The following TNFAIP8L3 variants were observed in gnomAD, a reference collection of about 807,000 sequenced individuals.
TNFAIP8L3 encodes the protein TNF alpha induced protein 8 like 3.
A neutral mutation model predicts 11.8 loss-of-function variants in TNFAIP8L3; 7 were observed. The ratio of observed to expected loss-of-function variants is 0.59; its 90% CI spans 0.34 to 1.11. TNFAIP8L3 has a LOEUF of 1.11. Among genes scored for constraint, TNFAIP8L3 ranks in the 50% most tolerant of loss-of-function variants. The pLI, the probability that TNFAIP8L3 is intolerant of heterozygous loss-of-function variation, is 0.03. For synonymous variants in TNFAIP8L3, 98 were observed against 103.8 expected, an observed-to-expected ratio of 0.94 and a Z score of 0.34; for missense variants, 219 against 258.6, an observed-to-expected ratio of 0.85 and a Z score of 1.05.
In TNFAIP8L3 at chr15:51,058,337, G is replaced by A; in HGVS notation, c.159C>T (p.Ser53=). Residue 53 remains serine (S), a synonymous_variant, in exon 2 of 2, where the codon AGC becomes AGT. Transcript: ENST00000637513. ...TGTAGAGCTCATCAAAGATCTCGCT[G>A]CTGGTGTCATCAATCAACATGTTGG... ...TVANMLIDDT[S]SEIFDELYKV... The A allele has an allele frequency of 6.2e-7, 1 of 1,614,138 alleles. No homozygotes were observed. Among genetic ancestry groups the A allele is most frequent in the East Asian group, 2.2e-5 (1 of 44,888 alleles).
chr15:51,077,831 T>G (rs1026621124), intron 1 of TNFAIP8L3, among the ~76,000 whole-genome samples: 1 of 152,226 alleles, frequency 6.6e-6, no homozygotes, highest in Non-Finnish European at 1.5e-5. Flanking sequence ...TCGAGTGTGC[T>G]GGCCTGGAAT....
intron 1 of TNFAIP8L3, among the ~76,000 whole-genome samples, chr15:51,086,590 C>T (rs922477141): frequency 1.3e-5 from 2 of 152,204 alleles, no homozygotes; most frequent in Non-Finnish European, 2.9e-5. Context: ...TGGAGTTAGA[C>T]TGGCTTCATT....
chr15:51,064,000 C>T (rs1269513651), intron 1 of TNFAIP8L3, among the ~76,000 whole-genome samples: 1 of 152,146 alleles, frequency 6.6e-6, no homozygotes, highest in African/African-American at 2.4e-5. Flanking sequence ...TATTTACCTG[C>T]AAGTAATTTG....
At chr15:51,085,621 CTTT>C (rs201800961) in intron 1 of TNFAIP8L3, among the ~76,000 whole-genome samples, 5 of 140,322 alleles carry the variant, frequency 3.6e-5, no homozygotes, top group Non-Finnish European at 3.1e-5. Flanking sequence ...AGCTCCGATT[CTTT>C]TTTTTTTTTT....
chr15:51,064,013 G>A (rs760198911), intron 1 of TNFAIP8L3, among the ~76,000 whole-genome samples: 1 of 152,140 alleles, frequency 6.6e-6, no homozygotes, highest in Non-Finnish European at 1.5e-5. Context: ...GTAATTTGGG[G>A]TACAAACTTC....
rs1240496123 is a variant in TNFAIP8L3 at position 51,058,426 on chromosome 15, A to C, written c.70T>G (p.Ser24Ala). Residue 24 changes from serine to alanine, a missense_variant, in exon 2 of 2, where the codon TCA becomes GCA. Coordinates refer to ENST00000637513, the MANE Select transcript of TNFAIP8L3 (RefSeq NM_001311175.2). ...TGGGCTTGAAGCGCAAGACTCTTTG[A>C]ACTAAAAACATCAGGACCTATGGTA... is the stretch of plus-strand genomic sequence containing the variant. Reference protein sequence around the residue: ...VTAAGPDVFSSKSLALQAQKK... With the variant: ...VTAAGPDVFSAKSLALQAQKK... 13 of 1,583,300 alleles carry C rather than the reference A, an allele frequency of 8.2e-6. No individual in the cohort carries two copies. Among genetic ancestry groups the C allele is most frequent in the Non-Finnish European group, 1.1e-5 (13 of 1,170,890 alleles).
chr15:51,075,807 G>A (rs2065345368), intron 1 of TNFAIP8L3, among the ~76,000 whole-genome samples: 2 of 152,232 alleles, frequency 1.3e-5, no homozygotes, highest in Non-Finnish European at 2.9e-5. Flanking sequence ...AACATGGCCT[G>A]TGACAGTGGA....
intron 1 of TNFAIP8L3, among the ~76,000 whole-genome samples, chr15:51,101,721 C>T (rs574255469): frequency 3.3e-5 from 5 of 151,544 alleles, no homozygotes; most frequent in South Asian, 2.1e-4. Context: ...CCAAGGTGGG[C>T]GGATCATGAG....
upstream of TNFAIP8L3, among the ~76,000 whole-genome samples, chr15:51,099,616 G>C (rs2065536726): frequency 6.6e-6 from 1 of 152,082 alleles, no homozygotes; most frequent in African/African-American, 2.4e-5. Context: ...TCTCACTTGT[G>C]GCATTCATTT....
upstream of TNFAIP8L3, among the ~76,000 whole-genome samples, chr15:51,098,370 C>A (rs965816739): frequency 6.6e-6 from 1 of 152,162 alleles, no homozygotes; most frequent in Non-Finnish European, 1.5e-5. Flanking sequence ...GCTGAAGTGG[C>A]CTTTGGTCCT....
intron 1 of TNFAIP8L3, chr15:51,064,951 G>GT (rs2065260943): frequency 6.6e-6 from 1 of 152,216 alleles, no homozygotes; most frequent in Non-Finnish European, 1.5e-5. Flanking sequence ...ATAGGTCTTG[G>GT]TAAAAACTTC....
At position 51,091,197 on chromosome 15, in the gene TNFAIP8L3, C is replaced by G. The variant is rs575332067; in HGVS notation, c.52+3347G>C. 2.9e-4 allele frequency among the ~76,000 whole-genome samples: 44 copies of G among 152,294 alleles called. No individual in the cohort carries two copies. The South Asian group carries it at 8.7e-3, about 30-fold the overall frequency. The stretch of plus-strand genomic sequence containing the variant: ...GACATAGAAGCATCATTCTGTGCTT[C>G]CTGAAAAACAGAAAATGCAGATGGA... On this transcript the variant is annotated intron_variant, in intron 1 of 1. Transcript: ENST00000637513.
chr15:51,101,553 T>C (rs2065550437), intron 1 of TNFAIP8L3, among the ~76,000 whole-genome samples: 1 of 146,342 alleles, frequency 6.8e-6, no homozygotes, highest in Non-Finnish European at 1.5e-5. Context: ...CCCGGGAGGT[T>C]GAGGTTGCAG....
intron 1 of TNFAIP8L3, among the ~76,000 whole-genome samples, chr15:51,071,087 A>G (rs1451035788): frequency 2.0e-5 from 3 of 151,432 alleles, no homozygotes; most frequent in Non-Finnish European, 4.4e-5. Flanking sequence ...TTAATTTTCT[A>G]AAAACCACCA....
chr15:51,105,003 A>T lies in TNFAIP8L3; in HGVS notation c.172+2T>A. Reference sequence around the variant, plus strand: ...TCTGCCAGTTCCTGAGCCAGTGCTGACCAAGTCCCTTTCCCCTCTGAAGAT... The same window carrying T: ...TCTGCCAGTTCCTGAGCCAGTGCTGTCCAAGTCCCTTTCCCCTCTGAAGAT... On this transcript the variant is annotated splice_donor_variant, in intron 1 of 2. Coordinates refer to the TNFAIP8L3 transcript ENST00000327536. LOFTEE classifies it high-confidence loss of function. The T allele has an allele frequency of 3.1e-6, 5 of 1,614,072 alleles. No individual in the cohort carries two copies. Among genetic ancestry groups the T allele is most frequent in the Non-Finnish European group, 4.2e-6 (5 of 1,180,026 alleles).
At chr15:51,105,018 C>T (rs750455452) in exon 1 of TNFAIP8L3, 3 of 1,614,184 alleles carry the variant, frequency 1.9e-6, no homozygotes, top group Non-Finnish European at 2.5e-6. Flanking sequence ...GTCCCTTTCC[C>T]CTCTGAAGAT....
At chr15:51,079,571 G>T (rs141332604) in intron 1 of TNFAIP8L3, among the ~76,000 whole-genome samples, 1 of 152,144 alleles carries the variant, frequency 6.6e-6, no homozygotes, top group African/African-American at 2.4e-5. Flanking sequence ...CCTCCAACCA[G>T]GGGCCTGAGA....
chr15:51,077,157 C>T (rs1348771925), intron 1 of TNFAIP8L3, among the ~76,000 whole-genome samples: 1 of 152,206 alleles, frequency 6.6e-6, no homozygotes, highest in African/African-American at 2.4e-5. Flanking sequence ...TTGACTCCTC[C>T]ATTAGACCTC....
intron 1 of TNFAIP8L3, among the ~76,000 whole-genome samples, chr15:51,065,803 T>A (rs1294371229): frequency 1.3e-5 from 2 of 152,224 alleles, no homozygotes; most frequent in Non-Finnish European, 2.9e-5. Context: ...TCAGTACACA[T>A]CAGAATTACT....
Sources: gnomAD v4.1 joint callset for allele counts (sites outside exome capture counted in the v4.1 genomes callset) on GRCh38, gnomAD v4.1.1 for gene constraint, MANE v1.5 for transcripts, NCBI Gene and HGNC (gene_info 2026-07-23, HGNC 2026-07-21) for gene names.